The following DMD variants were observed in gnomAD, a reference collection of about 807,000 sequenced individuals.
DMD encodes mutant dystrophin.
In DMD, 63 loss-of-function variants were observed where a neutral mutation model predicts 330.1. The ratio of observed to expected loss-of-function variants is 0.19; its 90% CI spans 0.16 to 0.24. The LOEUF is 0.24. DMD is among the 10% of genes least tolerant of loss of function. The pLI is 1.00. For missense variants in DMD, 3,344 were observed against 2,684.1 expected (o/e 1.25, Z -5.43); for synonymous variants, 1,223 against 959.8 (o/e 1.27, Z -5.07).
intron 7 of DMD, among the ~76,000 whole-genome samples, chrX:32,795,261 T>TA (rs2076102416): frequency 8.9e-6 from 1 of 112,119 alleles, no homozygotes; most frequent in South Asian, 3.7e-4. Flanking sequence ...GGTGTTAGAA[T>TA]AAAAACAGAC....
chrX:32,783,115 CCAT>C (rs773933834), intron 7 of DMD, among the ~76,000 whole-genome samples: 3 of 98,998 alleles, frequency 3.0e-5, no homozygotes, highest in Admixed American at 1.1e-4. Context: ...TACACACACA[CCAT>C]ATGTATATAC....
chrX:32,222,169 T>C (rs773777800), intron 43 of DMD, among the ~76,000 whole-genome samples: 1 of 112,191 alleles, frequency 8.9e-6, no homozygotes, highest in South Asian at 3.7e-4. Context: ...CTTCATACTG[T>C]TTTCCATGTA....
chrX:31,148,101 C>T (rs1312215488), intron 74 of DMD, among the ~76,000 whole-genome samples: 2 of 111,190 alleles, frequency 1.8e-5, no homozygotes, highest in Admixed American at 9.6e-5. Context: ...CTCTCCTCCC[C>T]GCTGCCCTCA....
At chrX:32,020,104 C>T (rs1352404732) in intron 44 of DMD, among the ~76,000 whole-genome samples, 1 of 112,913 alleles carries the variant, frequency 8.9e-6, no homozygotes, top group Non-Finnish European at 1.9e-5. Flanking sequence ...TTACTATCTA[C>T]GTTAAAGCCA....
At chrX:31,593,533 G>A (rs1475705957) in intron 55 of DMD, among the ~76,000 whole-genome samples, 2 of 111,047 alleles carry the variant, frequency 1.8e-5, no homozygotes, top group Admixed American at 9.6e-5. Context: ...TGTCATTTGA[G>A]CCTCTCTTAT....
chrX:32,207,395 A>G (rs1313310754), intron 44 of DMD, among the ~76,000 whole-genome samples: 2 of 111,566 alleles, frequency 1.8e-5, no homozygotes, highest in African/African-American at 6.5e-5. Flanking sequence ...TTAATGTTAG[A>G]CTTCCTAGTC....
At chrX:32,681,130 C>A (rs777604688) in intron 9 of DMD, among the ~76,000 whole-genome samples, 28 of 111,954 alleles carry the variant, frequency 2.5e-4, no homozygotes, top group Non-Finnish European at 4.3e-4. Context: ...AGGGTTATTT[C>A]CATGGCTTTA....
chrX:32,211,844 G>A (rs767209076), intron 44 of DMD, among the ~76,000 whole-genome samples: 1 of 111,949 alleles, frequency 8.9e-6, no homozygotes, highest in Non-Finnish European at 1.9e-5. Flanking sequence ...AAAATATTCA[G>A]CTGGTTTAAA....
At chrX:32,704,841 C>A (rs773918870) in intron 7 of DMD, among the ~76,000 whole-genome samples, 7 of 112,159 alleles carry the variant, frequency 6.2e-5, no homozygotes, top group Non-Finnish European at 1.3e-4. Context: ...GTTGGCACAA[C>A]CAAAACCTAT....
chrX:33,235,922 T>TATTATTATTATTATTA (rs1569559007), intron 1 of DMD, among the ~76,000 whole-genome samples: 6 of 104,893 alleles, frequency 5.7e-5, no homozygotes, highest in Admixed American at 2.1e-4. Flanking sequence ...TATTATTTTT[T>TATTATTATTATTATTA]TTTTTTTTTA....
chrX:32,975,987 G>A (rs1025060519), intron 2 of DMD, among the ~76,000 whole-genome samples: 9 of 111,583 alleles, frequency 8.1e-5, no homozygotes, highest in African/African-American at 2.9e-4. Flanking sequence ...TTGGGAGGCC[G>A]AGGTAGGTGG....
rs767993498 is a variant in DMD, at chrX:32,312,942, CAAAAAA to C, written c.5923-2672_5923-2667del. 1.2e-3 allele frequency among the ~76,000 whole-genome samples: 24 copies of C among 20,403 alleles called. 1 individual carries two copies. The highest frequency in any genetic ancestry group is 7.3e-3 in the Admixed American group (7 of 964). 17.7% of individuals were successfully genotyped at this position (20,403 alleles called of 115,157 possible). A position where few individuals can be genotyped will look rare whatever the true frequency, so the allele number is the denominator to read the frequency against. On this transcript the variant is annotated intron_variant, in intron 41 of 78. Transcript: ENST00000357033. ...ATTGAGGCAGTAATAGCCTACGAAC[CAAAAAA>C]AAAAAAAAAAAAAAAAGCCCAGGAC...
chrX:32,879,808 C>T (rs1231105753), intron 2 of DMD, among the ~76,000 whole-genome samples: 1 of 111,291 alleles, frequency 9.0e-6, no homozygotes, highest in African/African-American at 3.3e-5. Flanking sequence ...ACAGCCATGG[C>T]ATGTTGTCAT....
At chrX:31,634,336 A>G (rs1264633877) in intron 54 of DMD, among the ~76,000 whole-genome samples, 1 of 111,835 alleles carries the variant, frequency 8.9e-6, no homozygotes, top group East Asian at 2.8e-4. Context: ...AACTCTCCAG[A>G]GTTAATTGGA....
intron 30 of DMD, among the ~76,000 whole-genome samples, chrX:32,404,917 T>C (rs1439225710): frequency 9.0e-6 from 1 of 111,567 alleles, no homozygotes; most frequent in Non-Finnish European, 1.9e-5. Flanking sequence ...ATTTGTGCGA[T>C]AGCTCTCAGC....
chrX:32,244,106 T>TC (rs2097220784), intron 43 of DMD, among the ~76,000 whole-genome samples: 1 of 42,494 alleles, frequency 2.4e-5, no homozygotes, highest in East Asian at 9.6e-4. Context: ...CCCTCCCCCC[T>TC]CCCCCCACCC....
chrX:31,969,414 A>T (rs1209834849), intron 44 of DMD, among the ~76,000 whole-genome samples: 1 of 112,106 alleles, frequency 8.9e-6, no homozygotes, highest in Non-Finnish European at 1.9e-5. Context: ...TTAGAAAATG[A>T]AATAATATCT....
intron 33 of DMD, among the ~76,000 whole-genome samples, chrX:32,385,774 A>G (rs976771977): frequency 9.1e-6 from 1 of 110,372 alleles, no homozygotes; most frequent in Non-Finnish European, 1.9e-5. Context: ...TATCCATGCT[A>G]TCTTATTAGC....
intron 15 of DMD, among the ~76,000 whole-genome samples, chrX:32,571,041 G>A (rs184085713): frequency 8.9e-6 from 1 of 111,765 alleles, no homozygotes; most frequent in Non-Finnish European, 1.9e-5. Flanking sequence ...TCTCCATGAG[G>A]AAATGAAATC....
Sources: gnomAD v4.1 joint callset for allele counts (sites outside exome capture counted in the v4.1 genomes callset) on GRCh38, gnomAD v4.1.1 for gene constraint, MANE v1.5 for transcripts, NCBI Gene and HGNC (gene_info 2026-07-23, HGNC 2026-07-21) for gene names.